The following STPG2 variants were observed in gnomAD, a reference collection of about 807,000 sequenced individuals.
The protein encoded by STPG2 is sperm tail PG-rich repeat containing 2, also known as sperm-tail PG-rich repeat-containing protein 2.
Under a neutral mutation model 54.2 loss-of-function variants are expected in STPG2, and 56 were observed. The ratio of observed to expected loss-of-function variants is 1.03; its 90% CI spans 0.83 to 1.29. The LOEUF is 1.29. Among genes scored for constraint, STPG2 ranks in the 50% most tolerant of loss-of-function variants. STPG2 has a pLI of 0.00. For missense variants in STPG2, 596 were observed against 544.9 expected (o/e 1.09, Z -0.93); for synonymous variants, 200 against 181.8 (o/e 1.10, Z -0.81).
intron 9 of STPG2, among the ~76,000 whole-genome samples, chr4:97,741,495 A>T (rs1000303340): frequency 2.0e-5 from 3 of 151,820 alleles, no homozygotes; most frequent in African/African-American, 7.2e-5. Flanking sequence ...AGAATCTACA[A>T]TGAACTCAAA....
rs1431908850 is a variant in STPG2, at chr4:97,831,732, C to T, written c.1204+9041G>A. On this transcript the variant is annotated intron_variant, in intron 9 of 10. Coordinates refer to ENST00000295268, the MANE Select transcript of STPG2 (RefSeq NM_174952.3). ...AAATACAAACTACCATCAGAGAATA[C>T]TATAAATGCCTCTACAGAAATAAAC... is the stretch of plus-strand genomic sequence containing the variant. Among the ~76,000 whole-genome samples, 94 of 152,154 alleles carry T rather than the reference C, an allele frequency of 6.2e-4. 1 individual carries two copies. The highest frequency in any genetic ancestry group is 6.2e-3 in the Admixed American group (94 of 15,266).
intron 8 of STPG2, among the ~76,000 whole-genome samples, chr4:97,939,726 C>A (rs559774211): frequency 1.3e-5 from 2 of 152,298 alleles, no homozygotes; most frequent in African/African-American, 4.8e-5. Context: ...TTGAAAACAG[C>A]ATACAATTGG....
intron 8 of STPG2, among the ~76,000 whole-genome samples, chr4:97,844,633 T>C (rs1578614751): frequency 6.6e-6 from 1 of 152,180 alleles, no homozygotes; most frequent in East Asian, 1.9e-4. Context: ...GACTATAATG[T>C]ATCTAAGTGT....
intron 10 of STPG2, among the ~76,000 whole-genome samples, chr4:97,625,067 A>C (rs1189806113): frequency 2.0e-5 from 3 of 152,316 alleles, no homozygotes; most frequent in East Asian, 3.9e-4. Context: ...ACTGGAAAGA[A>C]CGTGGATCTT....
chr4:97,527,223 C>T (rs1013996242), intron 4 of STPG2, among the ~76,000 whole-genome samples: 1 of 152,052 alleles, frequency 6.6e-6, no homozygotes, highest in African/African-American at 2.4e-5. Context: ...TTGTTCAACT[C>T]CCACTTATGA....
At chr4:97,947,776 C>A (rs1733294553) in intron 7 of STPG2, among the ~76,000 whole-genome samples, 1 of 151,974 alleles carries the variant, frequency 6.6e-6, no homozygotes, top group Non-Finnish European at 1.5e-5. Flanking sequence ...GATGTATTAT[C>A]TTTCTGATGT....
chr4:97,603,149 G>C (rs763820998), intron 10 of STPG2, among the ~76,000 whole-genome samples: 2 of 151,214 alleles, frequency 1.3e-5, no homozygotes, highest in African/African-American at 4.9e-5. Flanking sequence ...TAAAAAACAG[G>C]CAAAAAACTT....
chr4:97,722,796 A>ATT, intron 9 of STPG2, among the ~76,000 whole-genome samples: 1 of 123,616 alleles, frequency 8.1e-6, no homozygotes, highest in African/African-American at 3.7e-5. Context: ...AGTCTCTGCC[A>ATT]ATTTTTTTTT....
At chr4:97,488,561 A>C (rs1411694818) in intron 4 of STPG2, among the ~76,000 whole-genome samples, 1 of 151,706 alleles carries the variant, frequency 6.6e-6, no homozygotes, top group Non-Finnish European at 1.5e-5. Flanking sequence ...GTGAAGAATC[A>C]ATGTTTCTGG....
chr4:97,875,776 T>C (rs1373289861), intron 8 of STPG2, among the ~76,000 whole-genome samples: 1 of 152,006 alleles, frequency 6.6e-6, no homozygotes, highest in Non-Finnish European at 1.5e-5. Context: ...ACAGTTGGGC[T>C]CTAATATATA....
intron 4 of STPG2, among the ~76,000 whole-genome samples, chr4:97,452,116 CCCCA>C (rs1386578269): frequency 7.4e-5 from 2 of 26,910 alleles, no homozygotes; most frequent in Non-Finnish European, 3.0e-4. Flanking sequence ...GGAGCCCCGC[CCCCA>C]CCCCCCCCCC....
intron 10 of STPG2, among the ~76,000 whole-genome samples, chr4:97,583,379 C>T (rs1420306357): frequency 1.3e-5 from 2 of 152,006 alleles, no homozygotes; most frequent in Non-Finnish European, 2.9e-5. Flanking sequence ...CTAGTCTCAT[C>T]ATGATGCAGC....
At chr4:97,958,839 C>T (rs1218709221) in intron 7 of STPG2, among the ~76,000 whole-genome samples, 1 of 152,126 alleles carries the variant, frequency 6.6e-6, no homozygotes, top group Non-Finnish European at 1.5e-5. Context: ...AACAAAGAAA[C>T]AATGGATTTA....
At chr4:97,496,688 T>C (rs554257625) in intron 4 of STPG2, among the ~76,000 whole-genome samples, 11 of 151,752 alleles carry the variant, frequency 7.2e-5, no homozygotes, top group Non-Finnish European at 1.6e-4. Flanking sequence ...TCTCAGAAGA[T>C]CCTAACTCTG....
In STPG2 at chr4:98,023,321, G is replaced by A. The variant is rs536405921; in HGVS notation, c.613-42003C>T. 3.9e-5 allele frequency among the ~76,000 whole-genome samples: 6 copies of A among 152,302 alleles called. No individual in the cohort carries two copies. The South Asian group carries it at 1.2e-3, about 32-fold the overall frequency. On this transcript the variant is annotated intron_variant, in intron 5 of 10. Coordinates refer to ENST00000295268, the MANE Select transcript of STPG2 (RefSeq NM_174952.3). ...TGCCTGGGTATCAGCAGCGGTGGCT[G>A]CAGAACAGCGATGACTGTAGAACAG...
chr4:97,531,139 TTAAAAC>T (rs1731405131), intron 4 of STPG2, among the ~76,000 whole-genome samples: 1 of 152,044 alleles, frequency 6.6e-6, no homozygotes, highest in South Asian at 2.1e-4. Flanking sequence ...AAAATGCAAA[TTAAAAC>T]TAAAATGATA....
At chr4:98,049,929 A>G (rs892910168) in intron 5 of STPG2, among the ~76,000 whole-genome samples, 4 of 152,234 alleles carry the variant, frequency 2.6e-5, no homozygotes, top group African/African-American at 9.6e-5. Context: ...TAGAAAATAC[A>G]AAAGACAAAG....
chr4:97,842,382 G>C (rs1466224104), intron 8 of STPG2, among the ~76,000 whole-genome samples: 1 of 151,790 alleles, frequency 6.6e-6, no homozygotes, highest in Non-Finnish European at 1.5e-5. Flanking sequence ...TGTATCTTTT[G>C]GGGCTGCCTC....
intron 10 of STPG2, among the ~76,000 whole-genome samples, chr4:97,651,684 A>G (rs941290538): frequency 6.6e-5 from 10 of 152,036 alleles, no homozygotes; most frequent in Admixed American, 6.6e-5. Flanking sequence ...AGATAACATG[A>G]TAAAAGCAAA....
Sources: allele counts gnomAD v4.1 joint callset (sites outside exome capture counted in the v4.1 genomes callset), GRCh38; gene constraint gnomAD v4.1.1; transcripts MANE v1.5; gene names NCBI Gene and HGNC (gene_info 2026-07-23, HGNC 2026-07-21).